EFCAB5: variants seen among roughly 807,000 people sequenced by gnomAD.
EFCAB5 encodes the protein EF-hand calcium binding domain 5.
Under a neutral mutation model 167.9 loss-of-function variants are expected in EFCAB5, and 131 were observed. That is an observed-to-expected ratio of 0.78 (90% CI 0.68 to 0.90). EFCAB5 has a LOEUF of 0.90. Ranked by LOEUF, EFCAB5 falls within the 40% of genes least tolerant of loss-of-function variation. The pLI, the probability that EFCAB5 is intolerant of heterozygous loss-of-function variation, is 0.00. For missense variants in EFCAB5, 1,663 were observed against 1,745.2 expected (o/e 0.95, Z 0.84); for synonymous variants, 574 against 602.8 (o/e 0.95, Z 0.70).
chr17:30,022,147 A>T (rs1416369016), intron 7 of EFCAB5, among the ~76,000 whole-genome samples: 1 of 152,192 alleles, frequency 6.6e-6, no homozygotes, highest in African/African-American at 2.4e-5. Flanking sequence ...CTCACTTTTC[A>T]TCTGTTTTAT....
At chr17:29,987,330 G>T (rs1170868926) in intron 4 of EFCAB5, among the ~76,000 whole-genome samples, 1 of 152,100 alleles carries the variant, frequency 6.6e-6, no homozygotes, top group Non-Finnish European at 1.5e-5. Flanking sequence ...ACCTCTTCCT[G>T]GGTATCTGGA....
intron 8 of EFCAB5, among the ~76,000 whole-genome samples, chr17:30,048,318 T>G (rs2151766773): frequency 6.6e-6 from 1 of 151,848 alleles, no homozygotes; most frequent in African/African-American, 2.4e-5. Flanking sequence ...CAGAAACTCC[T>G]GAACTTTCCC....
intron 4 of EFCAB5, among the ~76,000 whole-genome samples, chr17:29,992,075 C>T (rs1427463545): frequency 2.0e-5 from 3 of 152,116 alleles, no homozygotes; most frequent in Non-Finnish European, 4.4e-5. Flanking sequence ...GAAATGTACA[C>T]TAAAACTTAT....
intron 3 of EFCAB5, among the ~76,000 whole-genome samples, chr17:29,948,104 G>A (rs2067440650): frequency 6.6e-6 from 1 of 152,142 alleles, no homozygotes; most frequent in African/African-American, 2.4e-5. Context: ...GGGATTACAG[G>A]CTTGAGCCAC....
intron 7 of EFCAB5, among the ~76,000 whole-genome samples, chr17:30,029,710 A>G (rs1306686866): frequency 6.6e-6 from 1 of 152,146 alleles, no homozygotes; most frequent in Non-Finnish European, 1.5e-5. Context: ...CACTCCTCGT[A>G]TACTACCAGG....
intron 7 of EFCAB5, among the ~76,000 whole-genome samples, chr17:30,026,015 G>A (rs891902444): frequency 4.0e-5 from 6 of 151,192 alleles, no homozygotes; most frequent in Non-Finnish European, 7.4e-5. Context: ...TCTGGGGATT[G>A]TTGTGGGGTG....
At chr17:29,966,060 T>C (rs1438102836) in intron 3 of EFCAB5, among the ~76,000 whole-genome samples, 5 of 152,096 alleles carry the variant, frequency 3.3e-5, no homozygotes, top group African/African-American at 7.2e-5. Context: ...AAAATCGTGG[T>C]AAATACATAT....
chr17:29,951,278 A>G (rs760795281), intron 3 of EFCAB5, among the ~76,000 whole-genome samples: 14 of 152,220 alleles, frequency 9.2e-5, no homozygotes, highest in Non-Finnish European at 1.3e-4. Flanking sequence ...AAAGATGGAT[A>G]CTATCTAAAT....
intron 7 of EFCAB5, among the ~76,000 whole-genome samples, chr17:30,015,302 CTT>C (rs2069007724): frequency 2.0e-5 from 3 of 152,262 alleles, no homozygotes; most frequent in Admixed American, 2.0e-4. Flanking sequence ...CGAGGAGTAT[CTT>C]TGTGGTGTTC....
intron 21 of EFCAB5, 47 bp downstream of exon 21, chr17:30,092,204 A>G: frequency 6.5e-7 from 1 of 1,537,474 alleles, no homozygotes; most frequent in Non-Finnish European, 8.8e-7. Context: ...GAATCGCCTA[A>G]ACAAATTTAA....
At chr17:30,020,336 G>A (rs2151704472) in intron 7 of EFCAB5, among the ~76,000 whole-genome samples, 1 of 149,168 alleles carries the variant, frequency 6.7e-6, no homozygotes, top group Non-Finnish European at 1.5e-5. Flanking sequence ...GTTTAAGTTG[G>A]ATTTTACCTA....
chr17:30,014,407 G>A (rs1011418064), intron 7 of EFCAB5, among the ~76,000 whole-genome samples: 3 of 152,148 alleles, frequency 2.0e-5, no homozygotes, highest in Non-Finnish European at 4.4e-5. Context: ...GGGTGTTAAA[G>A]TCTCCCATTA....
At chr17:30,022,548 C>T (rs1330424618) in intron 7 of EFCAB5, among the ~76,000 whole-genome samples, 1 of 152,122 alleles carries the variant, frequency 6.6e-6, no homozygotes, top group African/African-American at 2.4e-5. Context: ...AAAAGTGAGA[C>T]TTCAGCAGGG....
intron 14 of EFCAB5, among the ~76,000 whole-genome samples, chr17:30,064,273 A>G (rs577456858): frequency 1.3e-5 from 2 of 152,326 alleles, no homozygotes; most frequent in South Asian, 4.1e-4. Context: ...CAAAATCAGG[A>G]AAACAAGTCC....
chr17:30,094,261 G>T (rs960052768), intron 22 of EFCAB5, among the ~76,000 whole-genome samples: 2 of 152,064 alleles, frequency 1.3e-5, no homozygotes, highest in Non-Finnish European at 2.9e-5. Flanking sequence ...TAAATGACGA[G>T]TTGATGGGTG....
At chr17:30,097,640 A>G (rs2071322859) in intron 22 of EFCAB5, among the ~76,000 whole-genome samples, 1 of 152,188 alleles carries the variant, frequency 6.6e-6, no homozygotes, top group Non-Finnish European at 1.5e-5. Context: ...CTCCCAATGT[A>G]GTTATATTTA....
intron 14 of EFCAB5, among the ~76,000 whole-genome samples, chr17:30,075,841 C>T (rs2070857953): frequency 1.3e-5 from 2 of 152,178 alleles, no homozygotes; most frequent in Non-Finnish European, 1.5e-5. Context: ...CCTTGCTCTG[C>T]CCCACCTAAT....
Position 29,968,974 on chromosome 17 carries a change from G to T in EFCAB5, c.374G>T (p.Arg125Ile). The T allele has an allele frequency of 6.3e-7, 1 of 1,589,688 alleles. No individual in the cohort carries two copies. The highest frequency in any genetic ancestry group is 2.3e-5 in the East Asian group (1 of 44,390). ...AACCTTTTTGAAAGAATGGAGGCAA[G>T]AGCCCAAGCAATGCAGCAGAAAATA... ...KKNLFERMEA[R>I]AQAMQQKIID... The change falls in exon 4 of 23, where the codon AGA becomes ATA. Residue 125 changes from arginine to isoleucine, a missense_variant. Transcript: ENST00000394835.
chr17:30,004,371 C>G (rs904559897), intron 7 of EFCAB5, among the ~76,000 whole-genome samples: 6 of 152,230 alleles, frequency 3.9e-5, no homozygotes, highest in Non-Finnish European at 7.4e-5. Flanking sequence ...TTTCCCCATT[C>G]AATCTCCATT....
Sources: gnomAD v4.1 joint callset for allele counts (sites outside exome capture counted in the v4.1 genomes callset) on GRCh38, gnomAD v4.1.1 for gene constraint, MANE v1.5 for transcripts, NCBI Gene and HGNC (gene_info 2026-07-23, HGNC 2026-07-21) for gene names.